Variants in DIP2C observed in about 807,000 individuals in gnomAD.
DIP2C encodes DIP2 acetate--CoA ligase C (putative).
A neutral mutation model predicts 192.4 loss-of-function variants in DIP2C; 33 were observed. The observed-to-expected ratio is 0.17, with a 90% CI of 0.13 to 0.23. DIP2C has a LOEUF of 0.23. DIP2C is among the 10% of genes least tolerant of loss of function. The probability of loss-of-function intolerance (pLI) is 1.00; values close to 1 mark genes in which losing one functional copy is unlikely to be tolerated. For missense variants in DIP2C, 1,537 were observed against 2,110.1 expected (o/e 0.73, Z 5.32); for synonymous variants, 979 against 864.1 (o/e 1.13, Z -2.33).
At chr10:314,157 T>C (rs943943236) in intron 31 of DIP2C, among the ~76,000 whole-genome samples, 17 of 152,226 alleles carry the variant, frequency 1.1e-4, no homozygotes, top group African/African-American at 3.9e-4. Context: ...TCCAGAAGAA[T>C]TTTTATATTT....
rs144697568 is a variant in DIP2C at position 602,260 on chromosome 10, G to A, written c.85+87234C>T. Among the ~76,000 whole-genome samples the A allele has an allele frequency of 2.4e-3, 371 of 152,258 alleles. 1 individual carries two copies. The highest frequency in any genetic ancestry group is 8.3e-3 in the African/African-American group (344 of 41,542). On this transcript the variant is annotated intron_variant, in intron 1 of 36. Transcript: ENST00000280886. ...TGATTCTGATTCCCAGAGGGTCTCC[G>A]CTTCTTGCACCGAACCCCAACTTGC...
At chr10:325,492 T>C (rs746453285) in intron 31 of DIP2C, among the ~76,000 whole-genome samples, 55 of 152,298 alleles carry the variant, frequency 3.6e-4, no homozygotes, top group Non-Finnish European at 3.5e-4. Flanking sequence ...AGCCTCGCCA[T>C]GGCCAGTGCC....
At chr10:681,288 T>C (rs1369494799) in intron 1 of DIP2C, among the ~76,000 whole-genome samples, 1 of 149,370 alleles carries the variant, frequency 6.7e-6, no homozygotes, top group African/African-American at 2.5e-5. Context: ...CCATGGAAAT[T>C]CCAGGGAACA....
intron 1 of DIP2C, among the ~76,000 whole-genome samples, chr10:533,386 G>T (rs114069210): frequency 3.9e-5 from 6 of 152,220 alleles, no homozygotes; most frequent in African/African-American, 1.4e-4. Flanking sequence ...TCTCAAGGCC[G>T]CACAGCCCGG....
chr10:395,465 G>A (rs750814071), intron 10 of DIP2C, among the ~76,000 whole-genome samples: 2 of 152,124 alleles, frequency 1.3e-5, no homozygotes, highest in African/African-American at 2.4e-5. Context: ...ATCAAGTCAC[G>A]GTGTCTTTAG....
intron 2 of DIP2C, chr10:484,716 G>A (rs559987135): frequency 3.1e-5 from 48 of 1,546,554 alleles, no homozygotes; most frequent in African/African-American, 1.6e-4. Flanking sequence ...GATGGCACTC[G>A]GCGGGTGGCC....
intron 34 of DIP2C, among the ~76,000 whole-genome samples, chr10:285,262 C>T (rs1955047425): frequency 6.6e-6 from 1 of 151,528 alleles, no homozygotes; most frequent in Non-Finnish European, 1.5e-5. Flanking sequence ...CGTGTAGAAA[C>T]GTGCTCTTGC....
chr10:532,885 G>A (rs1847500281), intron 1 of DIP2C, among the ~76,000 whole-genome samples: 1 of 152,136 alleles, frequency 6.6e-6, no homozygotes, highest in South Asian at 2.1e-4. Flanking sequence ...CAACCTCCCA[G>A]GCTTGGGTGA....
chr10:527,416 T>G (rs1847114603), intron 1 of DIP2C, among the ~76,000 whole-genome samples: 2 of 152,228 alleles, frequency 1.3e-5, no homozygotes, highest in Non-Finnish European at 2.9e-5. Flanking sequence ...ATTTTTAATA[T>G]TTGTACTTAT....
At chr10:526,102 G>A (rs1306092937) in intron 1 of DIP2C, among the ~76,000 whole-genome samples, 3 of 152,178 alleles carry the variant, frequency 2.0e-5, no homozygotes, top group African/African-American at 7.2e-5. Context: ...AACTTAGAAT[G>A]AGAGAAGGGA....
chr10:334,321 A>AAG (rs1554821665), intron 29 of DIP2C, among the ~76,000 whole-genome samples: 8 of 151,484 alleles, frequency 5.3e-5, no homozygotes, highest in Admixed American at 2.6e-4. Context: ...AAAAAAAAAA[A>AAG]AAAAGAAAAA....
rs763879708 is a variant in DIP2C, at chr10:664,556, G to A, written c.85+24938C>T. Reference sequence around the variant, plus strand: ...CACACATAAGCCCAGTTATACACTCGACACATTAACACTATTGATCATTGT... The same window carrying A: ...CACACATAAGCCCAGTTATACACTCAACACATTAACACTATTGATCATTGT... On this transcript the variant is annotated intron_variant, in intron 1 of 36. Transcript: ENST00000280886. 3.9e-5 allele frequency: 6 copies of A among 152,100 alleles called. No homozygotes were observed. The South Asian group carries it at 1.0e-3, about 26-fold the overall frequency. The allele number at this position is 152,100 out of a possible 1,614,324, so 9.4% of individuals were successfully genotyped here. A position where few individuals can be genotyped will look rare whatever the true frequency, so the allele number is the denominator to read the frequency against.
At chr10:314,178 C>T (rs1387570468) in intron 31 of DIP2C, among the ~76,000 whole-genome samples, 1 of 152,194 alleles carries the variant, frequency 6.6e-6, no homozygotes, top group Non-Finnish European at 1.5e-5. Flanking sequence ...GCATTAAAAT[C>T]TGGGGGCTGT....
At chr10:674,453 T>C (rs576006420) in intron 1 of DIP2C, among the ~76,000 whole-genome samples, 2 of 152,006 alleles carry the variant, frequency 1.3e-5, no homozygotes, top group African/African-American at 2.4e-5. Flanking sequence ...AGCACCCAGA[T>C]ATATAAAGCA....
At position 689,561 on chromosome 10, in the gene DIP2C, C is replaced by T. The variant is rs750493810; in HGVS notation, c.18G>A (p.Leu6=). The stretch of plus-strand genomic sequence containing the variant: ...CCTCCAGGGGCAGCGCCATGCCCTC[C>T]AGGCTGCGGTCCGCCATGCTCCGCG... MADRS[L]EGMALPLEVR... The change falls in exon 1 of 37, where the codon CTG becomes CTA. Residue 6 remains leucine, a synonymous_variant. Transcript: ENST00000280886. This position sits in a 1 kb window ranked among gnomAD's most constrained non-coding sequence, Gnocchi z 6.1. 2 of 1,251,874 alleles carry T rather than the reference C, an allele frequency of 1.6e-6. No individual in the cohort carries two copies. The highest frequency in any genetic ancestry group is 1.6e-5 in the African/African-American group (1 of 62,386). 77.5% of individuals were successfully genotyped at this position (1,251,874 alleles called of 1,614,324 possible). A position where few individuals can be genotyped will look rare whatever the true frequency, so the allele number is the denominator to read the frequency against.
At chr10:453,041 T>C (rs1466183232) in intron 3 of DIP2C, among the ~76,000 whole-genome samples, 1 of 152,202 alleles carries the variant, frequency 6.6e-6, no homozygotes, top group Non-Finnish European at 1.5e-5. Context: ...CCCAGATCAC[T>C]GTGAGAAGAG....
chr10:586,483 C>G (rs546527136), intron 1 of DIP2C, among the ~76,000 whole-genome samples: 1 of 127,164 alleles, frequency 7.9e-6, no homozygotes, highest in East Asian at 2.1e-4. Context: ...CCCAGGCAGA[C>G]CAGCCCTAAG....
At chr10:539,783 T>G (rs906475221) in intron 1 of DIP2C, among the ~76,000 whole-genome samples, 1 of 152,252 alleles carries the variant, frequency 6.6e-6, no homozygotes, top group African/African-American at 2.4e-5. Context: ...ACACTCATAC[T>G]GTAAGCTGCT....
In DIP2C at chr10:366,395, C is replaced by T; in HGVS notation, c.2148G>A (p.Val716=). The change falls in exon 19 of 37, where the codon GTG becomes GTA. Residue 716 remains valine, a synonymous_variant. Transcript: ENST00000280886. The part of the protein sequence containing the change: ...LVMPGAIMCS[V]KPDGVPQLCR... ...ACAGCTGAGGAACCCCGTCTGGCTT[C>T]ACTGAACACATGATGGCTAAAAGCA... is the stretch of plus-strand genomic sequence containing the variant. The T allele has an allele frequency of 6.2e-7, 1 of 1,614,230 alleles. No individual in the cohort carries two copies. Among genetic ancestry groups the T allele is most frequent in the Non-Finnish European group, 8.5e-7 (1 of 1,180,048 alleles).
Sources: allele counts gnomAD v4.1 joint callset (sites outside exome capture counted in the v4.1 genomes callset), GRCh38; gene constraint gnomAD v4.1.1; non-coding constraint Gnocchi (gnomAD v3.1); transcripts MANE v1.5; gene names NCBI Gene and HGNC (gene_info 2026-07-23, HGNC 2026-07-21).